Variants in MYO1F observed in about 807,000 individuals in gnomAD.
The protein encoded by MYO1F is myosin IF.
Under a neutral mutation model 146.6 loss-of-function variants are expected in MYO1F, and 60 were observed. That is an observed-to-expected ratio of 0.41 (90% confidence interval 0.33 to 0.51). The LOEUF (loss-of-function observed/expected upper bound fraction) is 0.51. Among genes scored for constraint, MYO1F ranks in the 20% least tolerant of loss-of-function variants. The pLI, the probability that MYO1F is intolerant of heterozygous loss-of-function variation, is 0.25. For synonymous variants in MYO1F, 602 were observed against 602.1 expected (o/e 1.00, Z 0.00); for missense variants, 1,274 against 1,534.3 (o/e 0.83, Z 2.83).
In MYO1F at chr19:8,544,315, G is replaced by A; in HGVS notation, c.1506C>T (p.Ile502=). The change falls in exon 14 of 28, where the codon ATC becomes ATT. Residue 502 remains isoleucine (I), a synonymous_variant. Transcript: ENST00000644032. Reference sequence around the variant, plus strand: ...GGCGCACCTTGCCAGCGTAGTGGTGGATGACGAAGCCGGCGCTCCAGCTGT... The same window carrying A: ...GGCGCACCTTGCCAGCGTAGTGGTGAATGACGAAGCCGGCGCTCCAGCTGT... ...HFNSWSAGFV[I]HHYAGKVSYD... is the part of the protein sequence containing the mutation. 1 of 1,613,098 alleles carries A rather than the reference G, an allele frequency of 6.2e-7. No individual in the cohort carries two copies. The highest frequency in any genetic ancestry group is 8.5e-7 in the Non-Finnish European group (1 of 1,179,862).
Position 8,527,361 on chromosome 19 carries a change from C to T in MYO1F, c.2451G>A (p.Gln817=). ...ACCTGAGGGAGACTCCCCGCAGAGC[C>T]TGGATGTCCACTTTCTTCTTCAAGA... ...CEVLKKKVDI[Q]ALRGVSLSTR... is the part of the protein sequence containing the mutation. The change falls in exon 22 of 28, where the codon CAG becomes CAA. Residue 817 remains glutamine (Q), a synonymous_variant. Transcript: ENST00000644032. The T allele has an allele frequency of 1.2e-6, 2 of 1,614,140 alleles. No individual in the cohort carries two copies. Among genetic ancestry groups the T allele is most frequent in the Admixed American group, 1.7e-5 (1 of 60,010 alleles).
In MYO1F at chr19:8,547,986, A is replaced by ACCCC; in HGVS notation, c.1269+46_1269+49dup. 4 of 837,518 alleles carry ACCCC rather than the reference A, an allele frequency of 4.8e-6. No homozygotes were observed. In the Admixed American group the frequency reaches 5.2e-5, roughly 11 times the overall value. The allele number at this position is 837,518 out of a possible 1,614,324, so 51.9% of individuals were successfully genotyped here. On this transcript the variant is annotated intron_variant, in intron 12 of 27. Coordinates refer to ENST00000644032, the MANE Select transcript of MYO1F (RefSeq NM_012335.4). ...GCTAAGGGATCCTCATGGTCCTTCCACCCCACCCCCACCCCAGGATCCCCC... is the reference window on the plus strand; with the variant it reads ...GCTAAGGGATCCTCATGGTCCTTCCACCCCCCCCACCCCCACCCCAGGATCCCCC...
intron 15 of MYO1F, 97 bp downstream of exon 15, chr19:8,541,809 G>A (rs974917096): frequency 6.3e-6 from 7 of 1,115,146 alleles, no homozygotes; most frequent in Admixed American, 3.4e-5. Flanking sequence ...AGTTTGTGGC[G>A]AGATGGCAGT....
Position 8,541,968 on chromosome 19 carries a change from G to C in MYO1F, c.1548C>G (p.Phe516Leu). 1 of 1,613,396 alleles carries C rather than the reference G, an allele frequency of 6.2e-7. No homozygotes were observed. Among genetic ancestry groups the C allele is most frequent in the Non-Finnish European group, 8.5e-7 (1 of 1,179,936 alleles). The change falls in exon 15 of 28, where the codon TTC becomes TTG. Residue 516 changes from phenylalanine to leucine, a missense_variant. By Grantham distance (22) the Phe-to-Leu change is conservative (BLOSUM62 0). Around this residue, in one of 2 missense-constraint regions of MYO1F, gnomAD observed 900 missense variants for 1,155.1 expected, o/e 0.78. Coordinates refer to ENST00000644032, the MANE Select transcript of MYO1F (RefSeq NM_012335.4). ...AGKVSYDVSG[F>L]CERNRDVLFS... ...AGAGAACGTCTCGGTTCCTCTCGCA[G>C]AAGCCGCTGACGTCGTAGGAGACCT...
rs1369432062 is a variant in MYO1F, at chr19:8,552,144, C to A, written c.525G>T (p.Gln175His). The A allele has an allele frequency of 3.7e-6, 6 of 1,614,018 alleles. No homozygotes were observed. In the African/African-American group the frequency reaches 4.0e-5, roughly 11 times the overall value. Residue 175 changes from glutamine to histidine, a missense_variant, in exon 7 of 28, where the codon CAG (glutamine) becomes CAT (histidine). Gln to His is a conservative substitution (Grantham distance 24). Around this residue, in one of 2 missense-constraint regions of MYO1F, gnomAD observed 900 missense variants for 1,155.1 expected, o/e 0.78. Coordinates refer to ENST00000644032, the MANE Select transcript of MYO1F (RefSeq NM_012335.4). ...SSRFGKYFEI[Q>H]FSRGGEPDGG... is the part of the protein sequence containing the mutation. Reference sequence around the variant, plus strand: ...CATCTGGCTCCCCACCTCGGCTGAACTGGATCTCAAAGTACTTGCCCTGAA... The same window carrying A: ...CATCTGGCTCCCCACCTCGGCTGAAATGGATCTCAAAGTACTTGCCCTGAA...
intron 14 of MYO1F, among the ~76,000 whole-genome samples, chr19:8,543,786 C>CTGG (rs1470514714): frequency 9.1e-5 from 1 of 11,012 alleles, no homozygotes; most frequent in African/African-American, 5.3e-4. Context: ...GCTGGTGGTG[C>CTGG]TGGTGGTGGT....
At chr19:8,536,664 G>GGGCCAGA in intron 17 of MYO1F, 67 bp from the exon 18 acceptor site, 5 of 482,690 alleles carry the variant, frequency 1.0e-5, no homozygotes, top group East Asian at 4.8e-5. Context: ...TGGGTGGGAG[G>GGGCCAGA]TGCTGGAGGT....
chr19:8,536,355 C>G lies in MYO1F; in HGVS notation c.1940G>C (p.Gly647Ala). The G allele has an allele frequency of 1.2e-6, 2 of 1,605,274 alleles. No individual in the cohort carries two copies. The highest frequency in any genetic ancestry group is 8.5e-7 in the Non-Finnish European group (1 of 1,179,630). The stretch of plus-strand genomic sequence containing the variant: ...GTGCTGGACGCCCTGGCGTTCGTCC[C>G]CACGCCACCGCGGCCACGTCTCGGG... ...LTPETWPRWRGDERQGVQHLL... is the reference protein window; with the variant it reads ...LTPETWPRWRADERQGVQHLL... Residue 647 changes from glycine to alanine, a missense_variant, in exon 19 of 28, where the codon GGG (glycine) becomes GCG (alanine). Physicochemically the swap from Gly to Ala is moderately conservative, Grantham distance 60. Transcript: ENST00000644032.
At position 8,537,466 on chromosome 19, in the gene MYO1F, G is replaced by A. The variant is rs568378469; in HGVS notation, c.1693-411C>T. On this transcript the variant is annotated intron_variant, in intron 16 of 27. Transcript: ENST00000644032. ...TTCTGTTTTATTTTGTTTTGAGATGGAATTTTGCTCTGTCACCCAGGCTGG... is the reference window on the plus strand; with the variant it reads ...TTCTGTTTTATTTTGTTTTGAGATGAAATTTTGCTCTGTCACCCAGGCTGG... 2.0e-5 allele frequency among the ~76,000 whole-genome samples: 3 copies of A among 152,164 alleles called. No homozygotes were observed. In the East Asian group the frequency reaches 5.8e-4, roughly 29 times the overall value.
At chr19:8,548,212 G>T (rs768093806) in intron 11 of MYO1F, 25 bp downstream of exon 11, 2 of 1,613,710 alleles carry the variant, frequency 1.2e-6, no homozygotes, top group East Asian at 2.2e-5. Flanking sequence ...AGGACAGGAT[G>T]TGGGCTGGAG....
intron 21 of MYO1F, among the ~76,000 whole-genome samples, chr19:8,528,900 G>A (rs1167004971): frequency 6.6e-6 from 1 of 152,156 alleles, no homozygotes; most frequent in African/African-American, 2.4e-5. Context: ...CCTGGTAGAA[G>A]GGTGAATGTG....
chr19:8,526,611 G>C lies in MYO1F; in HGVS notation c.2622-10C>G. The stretch of plus-strand genomic sequence containing the variant: ...CACCCGAAACTGTAGTCTATGGGGA[G>C]AGAAGAAAGCTTGGGGGCGCTGGCT... On this transcript the variant is annotated splice_polypyrimidine_tract_variant and intron_variant, in intron 23 of 27. Coordinates refer to ENST00000644032, the MANE Select transcript of MYO1F (RefSeq NM_012335.4). 1 of 1,589,540 alleles carries C rather than the reference G, an allele frequency of 6.3e-7. No homozygotes were observed. The highest frequency in any genetic ancestry group is 1.8e-5 in the Admixed American group (1 of 54,680).
At chr19:8,565,331 T>C (rs1413902291) in intron 1 of MYO1F, among the ~76,000 whole-genome samples, 2 of 150,912 alleles carry the variant, frequency 1.3e-5, no homozygotes, top group African/African-American at 2.4e-5. Flanking sequence ...TCAACTGAGG[T>C]TGGGAGTTTG....
At position 8,522,696 on chromosome 19, in the gene MYO1F, C is replaced by T. The variant is rs762996920; in HGVS notation, c.2988G>A (p.Arg996=). ...STSLGASRRP[R]ARPPSEHNTE... is the part of the protein sequence containing the mutation. ...TGTTGTGCTCTGAGGGCGGACGTGCCCGGGGTCGTCTGCTGGCTCCCAGGG... is the reference window on the plus strand; with the variant it reads ...TGTTGTGCTCTGAGGGCGGACGTGCTCGGGGTCGTCTGCTGGCTCCCAGGG... The change falls in exon 26 of 28, where the codon CGG becomes CGA. Residue 996 remains arginine, a synonymous_variant. Coordinates refer to ENST00000644032, the MANE Select transcript of MYO1F (RefSeq NM_012335.4). The T allele has an allele frequency of 1.2e-6, 2 of 1,613,906 alleles. No individual in the cohort carries two copies. The highest frequency in any genetic ancestry group is 1.1e-5 in the South Asian group (1 of 91,074).
chr19:8,533,480 G>A lies in MYO1F; in HGVS notation c.2043+2772C>T, dbSNP rs60549817. 6.8e-3 allele frequency among the ~76,000 whole-genome samples: 1,033 copies of A among 151,510 alleles called. 5 individuals carry two copies. Among genetic ancestry groups the A allele is most frequent in the Non-Finnish European group, 8.3e-3 (564 of 67,882 alleles). ...CGCCATTCTCCTGCCTCAGCCTCCC[G>A]AGTAGCTGGGACTACAGGCGCCCGC... On this transcript the variant is annotated intron_variant, in intron 19 of 27. Transcript: ENST00000644032.
At chr19:8,545,865 T>C (rs967453113) in intron 12 of MYO1F, 129 bp from the exon 13 acceptor site, 67 of 751,102 alleles carry the variant, frequency 8.9e-5, no homozygotes, top group Non-Finnish European at 1.5e-4. Flanking sequence ...GTCACTCCTA[T>C]GTGGGCAAGG....
chr19:8,526,960 C>T (rs1036939983), intron 22 of MYO1F, 25 bp from the exon 23 acceptor site: 6 of 1,612,480 alleles, frequency 3.7e-6, no homozygotes, highest in Non-Finnish European at 5.1e-6. Flanking sequence ...GTGAGAGCGT[C>T]AGGTGGGACA....
intron 14 of MYO1F, 62 bp from the exon 15 acceptor site, chr19:8,542,053 G>T: frequency 7.5e-7 from 1 of 1,338,706 alleles, no homozygotes. Context: ...GGGTGGGCGT[G>T]GGGTGCTTAC....
At chr19:8,565,148 C>T (rs1281962245) in intron 1 of MYO1F, among the ~76,000 whole-genome samples, 2 of 152,088 alleles carry the variant, frequency 1.3e-5, no homozygotes, top group Non-Finnish European at 2.9e-5. Flanking sequence ...CCACCCACCT[C>T]AGCCTCCCAA....
Sources: allele counts gnomAD v4.1 joint callset (sites outside exome capture counted in the v4.1 genomes callset), GRCh38; gene constraint gnomAD v4.1.1; regional missense constraint gnomAD v4.1.1; transcripts MANE v1.5; gene names NCBI Gene and HGNC (gene_info 2026-07-23, HGNC 2026-07-21).